The following INPP5A variants were observed in gnomAD, a reference collection of about 807,000 sequenced individuals.
INPP5A encodes inositol polyphosphate-5-phosphatase A, also known as 43 kDa inositol polyphosphate 5-phophatase.
Under a neutral mutation model 65.2 loss-of-function variants are expected in INPP5A, and 14 were observed. The observed-to-expected ratio is 0.21, with a 90% confidence interval of 0.14 to 0.34. The LOEUF (loss-of-function observed/expected upper bound fraction) is 0.34, where lower values mean the gene tolerates loss of function less well. INPP5A is among the 10% of genes least tolerant of loss of function. The probability of loss-of-function intolerance (pLI) is 1.00; values close to 1 mark genes in which losing one functional copy is unlikely to be tolerated. For synonymous variants in INPP5A, 207 were observed against 208.3 expected (o/e 0.99, Z 0.05); for missense variants, 431 against 545.6 (o/e 0.79, Z 2.09).
intron 1 of INPP5A, among the ~76,000 whole-genome samples, chr10:132,580,187 G>T (rs1201511856): frequency 6.6e-6 from 1 of 152,180 alleles, no homozygotes; most frequent in East Asian, 1.9e-4. Flanking sequence ...CTGGGTCCCT[G>T]ATATGGTTTG....
At chr10:132,564,928 TG>T (rs1031951375) in intron 1 of INPP5A, among the ~76,000 whole-genome samples, 6 of 152,162 alleles carry the variant, frequency 3.9e-5, no homozygotes, top group African/African-American at 1.4e-4. Flanking sequence ...GGGCTGTGCT[TG>T]GGTCACCTGG....
In INPP5A at chr10:132,726,725, A is replaced by T. The variant is rs1845991642; in HGVS notation, c.648-96A>T. 4.8e-6 allele frequency: 4 copies of T among 825,756 alleles called. 1 individual carries two copies. The highest frequency in any genetic ancestry group is 3.2e-5 in the South Asian group (2 of 61,752). The allele number at this position is 825,756 out of a possible 1,614,324, so 51.2% of individuals were successfully genotyped here. On this transcript the variant is annotated intron_variant, in intron 8 of 15. Coordinates refer to ENST00000368594, the MANE Select transcript of INPP5A (RefSeq NM_005539.5). ...CCCTGCAGCAGGTGACAGAACAGAG[A>T]GTGTGCGGATGGGGAGCGTGGAGGA... is the stretch of plus-strand genomic sequence containing the variant.
chr10:132,780,153 A>G (rs1252362200), intron 13 of INPP5A, among the ~76,000 whole-genome samples: 2 of 152,226 alleles, frequency 1.3e-5, no homozygotes, highest in African/African-American at 4.8e-5. Flanking sequence ...TGCATTAAAG[A>G]TAACTCAGTT....
chr10:132,626,321 T>C (rs1162795643), intron 2 of INPP5A, among the ~76,000 whole-genome samples: 1 of 152,180 alleles, frequency 6.6e-6, no homozygotes, highest in Non-Finnish European at 1.5e-5. Flanking sequence ...CACGCAGGCT[T>C]CCCGGGACAC....
intron 4 of INPP5A, among the ~76,000 whole-genome samples, chr10:132,681,599 G>T (rs776973153): frequency 5.9e-5 from 9 of 152,220 alleles, no homozygotes; most frequent in Non-Finnish European, 8.8e-5. Flanking sequence ...AATAGCAGGT[G>T]CTGATAACGA....
chr10:132,660,022 C>T (rs994594801), intron 4 of INPP5A, among the ~76,000 whole-genome samples: 10 of 152,244 alleles, frequency 6.6e-5, no homozygotes, highest in Non-Finnish European at 1.0e-4. Flanking sequence ...GCGTGACCCA[C>T]GGCACGTTCC....
chr10:132,766,128 CTG>C lies in INPP5A; in HGVS notation c.977+289_977+290del, dbSNP rs1180463893. 4.0e-5 allele frequency among the ~76,000 whole-genome samples: 6 copies of C among 150,426 alleles called. No individual in the cohort carries two copies. In the East Asian group the frequency reaches 5.8e-4, roughly 15 times the overall value. On this transcript the variant is annotated intron_variant, in intron 12 of 15. Transcript: ENST00000368594. ...TGCATCTGTGTGTGCACCTGTGCAT[CTG>C]TGTGTGCACGTGTGCATCTGTGTGT...
intron 2 of INPP5A, among the ~76,000 whole-genome samples, chr10:132,628,771 T>G (rs967008185): frequency 3.9e-5 from 6 of 152,328 alleles, no homozygotes; most frequent in South Asian, 4.1e-4. Flanking sequence ...GGTCAAAAGC[T>G]TCTCTTAGAA....
chr10:132,650,533 G>A lies in INPP5A; in HGVS notation c.306+28G>A. ...GAGTCCCTCCCGCTGCCTGGTGCAGGGGTCAGACAGGCTGGCCTTGGCAGA... is the reference window on the plus strand; with the variant it reads ...GAGTCCCTCCCGCTGCCTGGTGCAGAGGTCAGACAGGCTGGCCTTGGCAGA... On this transcript the variant is annotated intron_variant, in intron 4 of 15. Transcript: ENST00000368594. The surrounding 1 kb of genome is among the most constrained non-coding windows in gnomAD (Gnocchi z 5.5). 1 of 1,519,008 alleles carries A rather than the reference G, an allele frequency of 6.6e-7. No homozygotes were observed. The highest frequency in any genetic ancestry group is 9.1e-7 in the Non-Finnish European group (1 of 1,095,330). The allele number at this position is 1,519,008 out of a possible 1,614,324, so 94.1% of individuals were successfully genotyped here.
intron 4 of INPP5A, among the ~76,000 whole-genome samples, chr10:132,658,814 G>GCCACAAAGACCGCCGAGACTGCCAAGA (rs1318732092): frequency 5.3e-5 from 8 of 152,076 alleles, no homozygotes; most frequent in Non-Finnish European, 1.5e-5. Flanking sequence ...GACCGCCAAA[G>GCCACAAAGACCGCCGAGACTGCCAAGA]CCACCAAGAC....
chr10:132,708,438 T>TC (rs780550479), intron 7 of INPP5A, 73 bp downstream of exon 7: 1 of 1,403,424 alleles, frequency 7.1e-7, no homozygotes, highest in Non-Finnish European at 1.0e-6. Flanking sequence ...AGCGGCATGT[T>TC]CCACACACCT....
intron 9 of INPP5A, among the ~76,000 whole-genome samples, chr10:132,729,987 G>A (rs1392957103): frequency 6.6e-6 from 1 of 152,238 alleles, no homozygotes; most frequent in Non-Finnish European, 1.5e-5. Context: ...GTGTCTGAGA[G>A]CCGCCCACAC....
At chr10:132,729,607 C>T (rs116863427) in intron 9 of INPP5A, among the ~76,000 whole-genome samples, 1 of 152,198 alleles carries the variant, frequency 6.6e-6, no homozygotes, top group Non-Finnish European at 1.5e-5. Context: ...CCCACCTGTA[C>T]CCCGTCCTCC....
At chr10:132,756,637 T>G (rs1846624043) in intron 11 of INPP5A, among the ~76,000 whole-genome samples, 1 of 152,182 alleles carries the variant, frequency 6.6e-6, no homozygotes, top group South Asian at 2.1e-4. Flanking sequence ...TGTGTCGTAC[T>G]TCAGAGCAAC....
At chr10:132,594,055 C>G (rs2071652093) in intron 1 of INPP5A, among the ~76,000 whole-genome samples, 1 of 152,154 alleles carries the variant, frequency 6.6e-6, no homozygotes, top group Admixed American at 6.5e-5. Flanking sequence ...GCTGCTGGAT[C>G]TTTGGGGTGT....
chr10:132,577,230 G>A (rs1890178), intron 1 of INPP5A, among the ~76,000 whole-genome samples: 7 of 152,116 alleles, frequency 4.6e-5, no homozygotes, highest in African/African-American at 7.2e-5. Context: ...GCTCCCCCCC[G>A]GCACGCCGCC....
At chr10:132,683,957 G>T (rs1431819850) in intron 4 of INPP5A, among the ~76,000 whole-genome samples, 2 of 152,162 alleles carry the variant, frequency 1.3e-5, no homozygotes, top group Admixed American at 6.5e-5. Context: ...TCAAGTGGTC[G>T]ACCCACCTTG....
intron 11 of INPP5A, among the ~76,000 whole-genome samples, chr10:132,760,306 G>A (rs913301404): frequency 6.6e-6 from 1 of 152,226 alleles, no homozygotes; most frequent in African/African-American, 2.4e-5. Flanking sequence ...GACTTGAGGG[G>A]TGCTGGTGGT....
At chr10:132,718,099 C>G (rs552181251) in intron 8 of INPP5A, among the ~76,000 whole-genome samples, 1 of 148,150 alleles carries the variant, frequency 6.7e-6, no homozygotes, top group Admixed American at 6.7e-5. Flanking sequence ...AGACGGCCGT[C>G]TTCAGGGTTC....
Sources: gnomAD v4.1 joint callset for allele counts (sites outside exome capture counted in the v4.1 genomes callset) on GRCh38, gnomAD v4.1.1 for gene constraint, Gnocchi (gnomAD v3.1) non-coding constraint, MANE v1.5 for transcripts, NCBI Gene and HGNC (gene_info 2026-07-23, HGNC 2026-07-21) for gene names.